The following INPP4B variants were observed in gnomAD, a reference collection of about 807,000 sequenced individuals.
The protein encoded by INPP4B is inositol polyphosphate-4-phosphatase type II B, also known as inositol polyphosphate 4-phosphatase type II.
In INPP4B, 55 loss-of-function variants were observed where a neutral mutation model predicts 122.5. The ratio of observed to expected loss-of-function variants is 0.45; its 90% CI spans 0.36 to 0.56. The LOEUF (loss-of-function observed/expected upper bound fraction) is 0.56. Among genes scored for constraint, INPP4B ranks in the 20% least tolerant of loss-of-function variants. The pLI is 0.00. For synonymous variants in INPP4B, 403 were observed against 388.7 expected, an observed-to-expected ratio of 1.04 and a Z score of -0.43; for missense variants, 1,000 against 1,097.7, an observed-to-expected ratio of 0.91 and a Z score of 1.26.
At chr4:142,662,232 C>CA (rs113881988) in intron 2 of INPP4B, among the ~76,000 whole-genome samples, 6,198 of 125,656 alleles carry the variant, frequency 0.049, 144 homozygotes, top group Middle Eastern at 0.13. Flanking sequence ...GAGACTGCCT[C>CA]AAAAAAAAAA....
At chr4:142,614,104 C>T (rs1389869871) in intron 2 of INPP4B, among the ~76,000 whole-genome samples, 1 of 151,944 alleles carries the variant, frequency 6.6e-6, no homozygotes, top group African/African-American at 2.4e-5. Flanking sequence ...TGGAACAGAA[C>T]AAAGAACCCA....
intron 17 of INPP4B, among the ~76,000 whole-genome samples, chr4:142,146,894 G>C (rs6821480): frequency 0.11 from 16,639 of 152,154 alleles, 1,001 homozygotes; most frequent in Middle Eastern, 0.14. Context: ...AATCTTCCCA[G>C]TTCTCATTAG....
chr4:142,363,863 A>T (rs1337750588), intron 7 of INPP4B, among the ~76,000 whole-genome samples: 1 of 152,028 alleles, frequency 6.6e-6, no homozygotes, highest in Non-Finnish European at 1.5e-5. Flanking sequence ...ATTCCTCAAG[A>T]TGGATGATCT....
At chr4:142,724,843 C>T (rs965451961) in intron 2 of INPP4B, among the ~76,000 whole-genome samples, 3 of 152,064 alleles carry the variant, frequency 2.0e-5, no homozygotes, top group African/African-American at 7.2e-5. Context: ...ATATCCATTA[C>T]ATTTAAATGC....
chr4:142,390,560 A>G (rs1797337811), intron 7 of INPP4B, among the ~76,000 whole-genome samples: 1 of 152,202 alleles, frequency 6.6e-6, no homozygotes, highest in Non-Finnish European at 1.5e-5. Context: ...GAGGGCCCCT[A>G]AAACATTCAA....
At chr4:142,389,821 G>C (rs995274750) in intron 7 of INPP4B, among the ~76,000 whole-genome samples, 1 of 152,186 alleles carries the variant, frequency 6.6e-6, no homozygotes, top group Non-Finnish European at 1.5e-5. Context: ...TGTCTGAGGA[G>C]AGTGAAATGT....
At chr4:142,516,903 G>C (rs1010141608) in intron 2 of INPP4B, among the ~76,000 whole-genome samples, 1 of 151,968 alleles carries the variant, frequency 6.6e-6, no homozygotes, top group Non-Finnish European at 1.5e-5. Context: ...CCCAGAGATA[G>C]CAACAGCTCG....
intron 3 of INPP4B, among the ~76,000 whole-genome samples, chr4:142,435,842 C>A (rs1235241757): frequency 3.9e-5 from 6 of 152,108 alleles, no homozygotes; most frequent in Non-Finnish European, 5.9e-5. Context: ...CAGAGCCATG[C>A]AGATTCTCAA....
chr4:142,795,923 T>C (rs866242162), intron 1 of INPP4B, among the ~76,000 whole-genome samples: 11 of 152,032 alleles, frequency 7.2e-5, no homozygotes, highest in African/African-American at 2.4e-4. Context: ...GTCAATTTAA[T>C]AAGCCTCCTA....
chr4:142,542,705 A>G (rs1242653165), intron 2 of INPP4B, among the ~76,000 whole-genome samples: 1 of 152,200 alleles, frequency 6.6e-6, no homozygotes, highest in Non-Finnish European at 1.5e-5. Context: ...TTTTTTCAAT[A>G]ACCAATTTCA....
At chr4:142,685,243 A>G (rs1759177369) in intron 2 of INPP4B, among the ~76,000 whole-genome samples, 2 of 152,056 alleles carry the variant, frequency 1.3e-5, no homozygotes, top group Admixed American at 1.3e-4. Flanking sequence ...AGACAGGCAA[A>G]TATATAGTAT....
chr4:142,200,972 C>T (rs1286619141), intron 14 of INPP4B, among the ~76,000 whole-genome samples: 1 of 152,004 alleles, frequency 6.6e-6, no homozygotes, highest in Non-Finnish European at 1.5e-5. Context: ...AAAGCAAAGT[C>T]TCCCTGTCTT....
Position 142,026,638 on chromosome 4 carries a change from TG to T in INPP4B, c.*2143del, listed in dbSNP as rs1737089555. The T allele has an allele frequency of 6.6e-6, 1 of 152,260 alleles. No individual in the cohort carries two copies. The highest frequency in any genetic ancestry group is 2.4e-5 in the African/African-American group (1 of 41,444). The allele number at this position is 152,260 out of a possible 1,614,324, so 9.4% of individuals were successfully genotyped here. ...TGTGCCACCACATCCAGCTAATTTT[TG>T]TATCTTTAGTAGAGATGGGGTTTCA... On this transcript the variant is annotated 3_prime_UTR_variant, in exon 26 of 26. Coordinates refer to ENST00000262992, the MANE Select transcript of INPP4B (RefSeq NM_001101669.3).
At chr4:142,552,338 C>T (rs2150081649) in intron 2 of INPP4B, among the ~76,000 whole-genome samples, 1 of 152,064 alleles carries the variant, frequency 6.6e-6, no homozygotes, top group South Asian at 2.1e-4. Flanking sequence ...GATGCTGAGG[C>T]TGCTAATCTG....
chr4:142,619,552 A>C (rs1313831230), intron 2 of INPP4B, among the ~76,000 whole-genome samples: 1 of 152,072 alleles, frequency 6.6e-6, no homozygotes, highest in Non-Finnish European at 1.5e-5. Context: ...GGAGTTATAT[A>C]AAAGGTTCAA....
chr4:142,516,934 G>T (rs1029364819), intron 2 of INPP4B, among the ~76,000 whole-genome samples: 12 of 151,938 alleles, frequency 7.9e-5, no homozygotes, highest in Non-Finnish European at 1.6e-4. Flanking sequence ...ACTCACAGAG[G>T]CATTGCACCA....
intron 7 of INPP4B, among the ~76,000 whole-genome samples, chr4:142,353,743 A>G (rs927132349): frequency 2.0e-5 from 3 of 152,010 alleles, no homozygotes; most frequent in African/African-American, 7.2e-5. Context: ...ATATCACAGC[A>G]CCCAAGATCT....
intron 2 of INPP4B, among the ~76,000 whole-genome samples, chr4:142,467,366 A>G (rs58875016): frequency 0.032 from 4,902 of 152,262 alleles, 411 homozygotes; most frequent in East Asian, 0.26. Flanking sequence ...ACATGAGGTC[A>G]AAGGAGATTG....
intron 25 of INPP4B, among the ~76,000 whole-genome samples, chr4:142,042,180 T>C (rs1406644529): frequency 6.6e-6 from 1 of 152,160 alleles, no homozygotes; most frequent in Non-Finnish European, 1.5e-5. Flanking sequence ...CTCTATTAAG[T>C]TTCACTAACT....
Sources: allele counts gnomAD v4.1 joint callset (sites outside exome capture counted in the v4.1 genomes callset), GRCh38; gene constraint gnomAD v4.1.1; transcripts MANE v1.5; gene names NCBI Gene and HGNC (gene_info 2026-07-23, HGNC 2026-07-21).